Variants in MEPE observed in about 807,000 individuals in gnomAD.
The protein encoded by MEPE is matrix extracellular phosphoglycoprotein, also known as matrix, extracellular phosphoglycoprotein with ASARM motif (bone).
A neutral mutation model predicts 7.3 loss-of-function variants in MEPE; 7 were observed. That is an observed-to-expected ratio of 0.95 (90% CI 0.54 to 1.79). MEPE has a LOEUF of 1.79. Among genes scored for constraint, MEPE ranks in the 40% most tolerant of loss-of-function variants. The pLI, the probability that MEPE is intolerant of heterozygous loss-of-function variation, is 0.00. For synonymous variants in MEPE, 214 were observed against 213.1 expected (o/e 1.00, Z -0.04); for missense variants, 623 against 628.2 (o/e 0.99, Z 0.09).
intron 1 of MEPE, among the ~76,000 whole-genome samples, chr4:87,822,621 G>A (rs952727836): frequency 7.2e-5 from 11 of 152,184 alleles, no homozygotes; most frequent in Non-Finnish European, 1.3e-4. Context: ...GAACAGAGAG[G>A]CCAGATGACA....
At chr4:87,835,145 T>C (rs1488139979) in intron 2 of MEPE, among the ~76,000 whole-genome samples, 1 of 152,226 alleles carries the variant, frequency 6.6e-6, no homozygotes, top group Admixed American at 6.5e-5. Flanking sequence ...GACATGAATG[T>C]TTTAAAGCTA....
At chr4:87,840,093 T>G in intron 3 of MEPE, 4 of 1,523,914 alleles carry the variant, frequency 2.6e-6, no homozygotes, top group Non-Finnish European at 3.5e-6. Context: ...CTGAGTAACA[T>G]TTGGTGTTTT....
chr4:87,830,238 G>A (rs558594002), upstream of MEPE, among the ~76,000 whole-genome samples: 20 of 152,130 alleles, frequency 1.3e-4, no homozygotes, highest in South Asian at 1.7e-3. Context: ...GTATATACCC[G>A]GAGGAATATA....
chr4:87,823,260 C>T (rs1179931161), intron 1 of MEPE, among the ~76,000 whole-genome samples: 1 of 152,198 alleles, frequency 6.6e-6, no homozygotes, highest in Non-Finnish European at 1.5e-5. Flanking sequence ...AACTGCTTCT[C>T]AAAGATGACT....
rs1006394052 is a variant in MEPE, at chr4:87,826,386, T to TG, written c.-13+4915_-13+4916insG. Among the ~76,000 whole-genome samples, 54 of 151,816 alleles carry TG rather than the reference T, an allele frequency of 3.6e-4. 1 individual carries two copies. The highest frequency in any genetic ancestry group is 8.4e-4 in the South Asian group (4 of 4,760). On this transcript the variant is annotated intron_variant, in intron 1 of 3. Coordinates refer to the MEPE transcript ENST00000424957. ...GGTGCACACCACCACAACAGTTTTT[T>TG]TTTTTGTTTTTGTTTTTTGTTTTTG... is the stretch of plus-strand genomic sequence containing the variant.
At chr4:87,828,875 C>A (rs1022970334), upstream of MEPE, among the ~76,000 whole-genome samples, 3 of 152,082 alleles carry the variant, frequency 2.0e-5, no homozygotes, top group Non-Finnish European at 2.9e-5. Flanking sequence ...TTCAAGTGTC[C>A]ATTTCTTTCC....
At chr4:87,834,264 G>A (rs1400356940) in intron 1 of MEPE, among the ~76,000 whole-genome samples, 2 of 152,174 alleles carry the variant, frequency 1.3e-5, no homozygotes, top group Non-Finnish European at 2.9e-5. Context: ...CCAGCCCGGA[G>A]GCAGATAAGC....
At chr4:87,831,760 G>A (rs1244138608), upstream of MEPE, among the ~76,000 whole-genome samples, 2 of 151,982 alleles carry the variant, frequency 1.3e-5, no homozygotes, top group Non-Finnish European at 2.9e-5. Context: ...TATTCCCCTT[G>A]CTCAGGCCTC....
At position 87,846,400 on chromosome 4, in the gene MEPE, G is replaced by A; in HGVS notation, c.1532G>A (p.Ser511Asn). The A allele has an allele frequency of 6.2e-7, 1 of 1,613,980 alleles. No homozygotes were observed. Among genetic ancestry groups the A allele is most frequent in the Non-Finnish European group, 8.5e-7 (1 of 1,179,904 alleles). ...AGTTCCCGTAGAAGGGATGACAGTAGTGAGTCATCTGACAGTGGCAGTTCA... is the reference window on the plus strand; with the variant it reads ...AGTTCCCGTAGAAGGGATGACAGTAATGAGTCATCTGACAGTGGCAGTTCA... The part of the protein sequence containing the change: ...RFSSRRRDDS[S>N]ESSDSGSSSE... Residue 511 changes from serine (S) to asparagine (N), a missense_variant, in exon 4 of 4, where the codon AGT (serine) becomes AAT (asparagine). Physicochemically the swap from Ser to Asn is conservative, Grantham distance 46. Coordinates refer to ENST00000361056, the MANE Select transcript of MEPE (RefSeq NM_020203.6).
chr4:87,826,129 G>T (rs1722457590), intron 1 of MEPE, among the ~76,000 whole-genome samples: 1 of 151,896 alleles, frequency 6.6e-6, no homozygotes, highest in African/African-American at 2.4e-5. Flanking sequence ...GTATATCATT[G>T]ATGCACATTC....
At position 87,845,148 on chromosome 4, in the gene MEPE, CAG is replaced by C. The variant is rs887109095; in HGVS notation, c.284_285del (p.Arg95ThrfsTer3). 5 of 1,613,450 alleles carry C rather than the reference CAG, an allele frequency of 3.1e-6. No homozygotes were observed. In the African/African-American group the frequency reaches 6.7e-5, roughly 22 times the overall value. On this transcript the variant is annotated frameshift_variant, in exon 4 of 4. Coordinates refer to ENST00000361056, the MANE Select transcript of MEPE (RefSeq NM_020203.6). LOFTEE classifies it low-confidence loss of function (END_TRUNC). ...SKSQNYFTNR[Q>X]RLNKEYSISN... The stretch of plus-strand genomic sequence containing the variant: ...ATCTCAAAATTATTTCACAAATAGA[CAG>C]AGACTGAATAAAGAATATAGTATCA...
In MEPE at chr4:87,845,356, TC is replaced by T. The variant is rs1271438074; in HGVS notation, c.490del (p.Leu164TrpfsTer14). On this transcript the variant is annotated frameshift_variant, in exon 4 of 4. Transcript: ENST00000361056. LOFTEE classifies it low-confidence loss of function (END_TRUNC). Reference sequence around the variant, plus strand: ...ATGGGGCCAGTGACTGCGATTAAACTCCTGGGGGAAGAAAACAAAGAGAACA... The same window carrying T: ...ATGGGGCCAGTGACTGCGATTAAACTCTGGGGGAAGAAAACAAAGAGAACA... ...HIMGPVTAIK[L>X]LGEENKENTP... is the part of the protein sequence containing the mutation. The T allele has an allele frequency of 5.0e-6, 8 of 1,613,782 alleles. No individual in the cohort carries two copies. The East Asian group carries it at 1.8e-4, about 36-fold the overall frequency.
At chr4:87,842,884 A>C (rs1266605739) in intron 3 of MEPE, among the ~76,000 whole-genome samples, 2 of 152,232 alleles carry the variant, frequency 1.3e-5, no homozygotes, top group Non-Finnish European at 2.9e-5. Context: ...ATGGGCTATG[A>C]AAACTGGGAA....
intron 1 of MEPE, among the ~76,000 whole-genome samples, chr4:87,826,161 G>A (rs539802662): frequency 1.3e-5 from 2 of 151,806 alleles, no homozygotes; most frequent in South Asian, 2.1e-4. Context: ...ATTGTGAATA[G>A]TGCTGCAATA....
At chr4:87,825,460 T>C (rs1000655887) in intron 1 of MEPE, among the ~76,000 whole-genome samples, 3 of 152,180 alleles carry the variant, frequency 2.0e-5, no homozygotes, top group African/African-American at 7.2e-5. Context: ...TGAAACGTTA[T>C]CTCCCATTCC....
intron 3 of MEPE, among the ~76,000 whole-genome samples, chr4:87,842,409 G>T (rs966142116): frequency 6.6e-6 from 1 of 152,144 alleles, no homozygotes; most frequent in African/African-American, 2.4e-5. Context: ...CCACATGCTT[G>T]ACAAGAGCCA....
In MEPE at chr4:87,834,788, A is replaced by G. The variant is rs1560536994; in HGVS notation, c.54+20A>G. On this transcript the variant is annotated intron_variant, in intron 2 of 3. Coordinates refer to ENST00000361056, the MANE Select transcript of MEPE (RefSeq NM_020203.6). ...GCACCAGTAAGTATTTACAAATTCAATTATATTTCAGATAATCTCTTGCTC... is the reference window on the plus strand; with the variant it reads ...GCACCAGTAAGTATTTACAAATTCAGTTATATTTCAGATAATCTCTTGCTC... 6.3e-7 allele frequency: 1 copy of G among 1,598,694 alleles called. No individual in the cohort carries two copies. The highest frequency in any genetic ancestry group is 1.7e-5 in the Admixed American group (1 of 58,146).
intron 3 of MEPE, among the ~76,000 whole-genome samples, chr4:87,841,198 G>T (rs1723002151): frequency 6.6e-6 from 1 of 152,142 alleles, no homozygotes; most frequent in Non-Finnish European, 1.5e-5. Flanking sequence ...ATTAGGAAGA[G>T]ATTATTATAA....
At chr4:87,844,581 GAGAA>G (rs1723135493) in intron 3 of MEPE, among the ~76,000 whole-genome samples, 1 of 151,658 alleles carries the variant, frequency 6.6e-6, no homozygotes, top group Non-Finnish European at 1.5e-5. Flanking sequence ...AGGGAGAAAA[GAGAA>G]AGAGAGAGAG....
Sources: gnomAD v4.1 joint callset for allele counts (sites outside exome capture counted in the v4.1 genomes callset) on GRCh38, gnomAD v4.1.1 for gene constraint, MANE v1.5 for transcripts, NCBI Gene and HGNC (gene_info 2026-07-23, HGNC 2026-07-21) for gene names.